BABAM2: variants seen among roughly 807,000 people sequenced by gnomAD.
BABAM2 encodes the protein BRISC and BRCA1 A complex member 2.
A neutral mutation model predicts 54.7 loss-of-function variants in BABAM2; 31 were observed. The ratio of observed to expected loss-of-function variants is 0.57; its 90% confidence interval spans 0.43 to 0.77. BABAM2 has a LOEUF of 0.77. Ranked by LOEUF, BABAM2 falls within the 30% of genes least tolerant of loss-of-function variation. The pLI is 0.00. For synonymous variants in BABAM2, 167 were observed against 162.9 expected (o/e 1.03, Z -0.19); for missense variants, 364 against 455.8 (o/e 0.80, Z 1.83).
At chr2:28,118,598 T>A (rs946078027) in intron 6 of BABAM2, among the ~76,000 whole-genome samples, 1 of 152,204 alleles carries the variant, frequency 6.6e-6, no homozygotes, top group African/African-American at 2.4e-5. Flanking sequence ...TATGTTTAAG[T>A]TCCTTGTAAA....
At chr2:28,067,056 T>G (rs1329953037) in intron 6 of BABAM2, among the ~76,000 whole-genome samples, 1 of 152,158 alleles carries the variant, frequency 6.6e-6, no homozygotes, top group East Asian at 1.9e-4. Flanking sequence ...CTCAGCCTCC[T>G]GAATAGCTGG....
intron 3 of BABAM2, among the ~76,000 whole-genome samples, chr2:27,981,440 C>T (rs907407104): frequency 2.0e-5 from 3 of 152,084 alleles, no homozygotes; most frequent in Non-Finnish European, 4.4e-5. Flanking sequence ...AGTTGTACAA[C>T]CATCACTAAT....
intron 7 of BABAM2, among the ~76,000 whole-genome samples, chr2:28,179,059 A>G (rs1057435323): frequency 1.3e-5 from 2 of 152,120 alleles, no homozygotes; most frequent in Non-Finnish European, 1.5e-5. Flanking sequence ...TACCAAACTT[A>G]TAAAGGAGAA....
chr2:28,268,026 C>A (rs755263568), intron 10 of BABAM2, among the ~76,000 whole-genome samples: 4 of 152,154 alleles, frequency 2.6e-5, no homozygotes, highest in Non-Finnish European at 5.9e-5. Flanking sequence ...AAGACGAAAT[C>A]TTAGAACCCT....
chr2:28,124,454 G>A (rs1656629321), intron 6 of BABAM2, among the ~76,000 whole-genome samples: 1 of 152,164 alleles, frequency 6.6e-6, no homozygotes, highest in South Asian at 2.1e-4. Flanking sequence ...TCAGACTCCT[G>A]ACCTGGGCTC....
intron 2 of BABAM2, among the ~76,000 whole-genome samples, chr2:27,929,101 C>G (rs926512588): frequency 2.0e-5 from 3 of 150,778 alleles, no homozygotes; most frequent in Admixed American, 2.0e-4. Context: ...ACCTGTGGTC[C>G]CAGCTGCTTG....
chr2:28,250,470 C>T (rs1032721364), intron 10 of BABAM2, among the ~76,000 whole-genome samples: 19 of 151,302 alleles, frequency 1.3e-4, no homozygotes, highest in African/African-American at 4.8e-5. Flanking sequence ...TCCTTGTCCT[C>T]CCGCTTATTT....
intron 3 of BABAM2, among the ~76,000 whole-genome samples, chr2:27,956,091 C>T (rs1670061017): frequency 6.6e-6 from 1 of 151,840 alleles, no homozygotes. Context: ...AAATGGTATT[C>T]TTAATAATCT....
chr2:28,040,445 C>T (rs1299858143), intron 5 of BABAM2, among the ~76,000 whole-genome samples: 1 of 149,970 alleles, frequency 6.7e-6, no homozygotes, highest in African/African-American at 2.4e-5. Context: ...GGACTACAGG[C>T]GCCCGCCACT....
At chr2:27,907,852 A>C (rs1666296217) in intron 2 of BABAM2, among the ~76,000 whole-genome samples, 4 of 152,156 alleles carry the variant, frequency 2.6e-5, no homozygotes, top group Non-Finnish European at 5.9e-5. Flanking sequence ...GTAGTGTCAG[A>C]ATTTACTTTT....
At chr2:28,093,621 G>T (rs1203826213) in intron 6 of BABAM2, among the ~76,000 whole-genome samples, 1 of 152,038 alleles carries the variant, frequency 6.6e-6, no homozygotes, top group Non-Finnish European at 1.5e-5. Context: ...TAGGTTTCTT[G>T]GTTCCTTTAC....
chr2:28,082,516 C>T (rs1184270990), intron 6 of BABAM2, among the ~76,000 whole-genome samples: 1 of 152,162 alleles, frequency 6.6e-6, no homozygotes, highest in Non-Finnish European at 1.5e-5. Context: ...ATCCTCTTCT[C>T]TAAAATGAAT....
intron 3 of BABAM2, among the ~76,000 whole-genome samples, chr2:27,948,528 T>C (rs576463909): frequency 6.6e-6 from 1 of 152,326 alleles, no homozygotes; most frequent in South Asian, 2.1e-4. Flanking sequence ...CACAGTACTT[T>C]GGGAGGCCGA....
chr2:28,212,200 A>AT (rs1319506844), intron 7 of BABAM2, among the ~76,000 whole-genome samples: 1 of 152,150 alleles, frequency 6.6e-6, no homozygotes, highest in Non-Finnish European at 1.5e-5. Flanking sequence ...TATTTTGGCC[A>AT]TTTTTTAAGG....
At chr2:28,318,063 TA>T (rs1485157778) in intron 11 of BABAM2, among the ~76,000 whole-genome samples, 1 of 152,218 alleles carries the variant, frequency 6.6e-6, no homozygotes, top group East Asian at 1.9e-4. Context: ...TTGGACGTGT[TA>T]GTCAATCTCT....
chr2:28,296,349 A>G (rs1553360991), intron 10 of BABAM2, among the ~76,000 whole-genome samples: 1 of 152,248 alleles, frequency 6.6e-6, no homozygotes, highest in Non-Finnish European at 1.5e-5. Context: ...ACAGACATGT[A>G]TTCAGACTGC....
intron 7 of BABAM2, among the ~76,000 whole-genome samples, chr2:28,160,234 A>C (rs2147808264): frequency 6.6e-6 from 1 of 152,234 alleles, no homozygotes; most frequent in Middle Eastern, 3.4e-3. Flanking sequence ...CTCCCACCTC[A>C]GTCTGCCAAA....
intron 10 of BABAM2, among the ~76,000 whole-genome samples, chr2:28,256,287 A>G (rs75964165): frequency 0.022 from 3,391 of 152,312 alleles, 110 homozygotes; most frequent in African/African-American, 0.078. Flanking sequence ...GATATGGGCA[A>G]CACTTACAAT....
chr2:28,165,880 G>C (rs1673621088), intron 7 of BABAM2, among the ~76,000 whole-genome samples: 1 of 152,130 alleles, frequency 6.6e-6, no homozygotes, highest in Non-Finnish European at 1.5e-5. Context: ...GAAGTAAATT[G>C]TGTTTGCTCA....
Sources: gnomAD v4.1 joint callset for allele counts (sites outside exome capture counted in the v4.1 genomes callset) on GRCh38, gnomAD v4.1.1 for gene constraint, MANE v1.5 for transcripts, NCBI Gene and HGNC (gene_info 2026-07-23, HGNC 2026-07-21) for gene names.